The following SGIP1 variants were observed in gnomAD, a reference collection of about 807,000 sequenced individuals.
The protein encoded by SGIP1 is SH3GL interacting endocytic adaptor 1.
In SGIP1, 38 loss-of-function variants were observed where a neutral mutation model predicts 107.5. The ratio of observed to expected loss-of-function variants is 0.35; its 90% CI spans 0.27 to 0.46. The LOEUF (loss-of-function observed/expected upper bound fraction) is 0.46. Ranked by LOEUF, SGIP1 falls within the 20% of genes least tolerant of loss-of-function variation. The pLI, the probability that SGIP1 is intolerant of heterozygous loss-of-function variation, is 1.00. For synonymous variants in SGIP1, 365 were observed against 366.1 expected (o/e 1.00, Z 0.03); for missense variants, 929 against 1,019.5 (o/e 0.91, Z 1.21).
chr1:66,576,698 C>G (rs935229056), intron 1 of SGIP1, among the ~76,000 whole-genome samples: 2 of 152,068 alleles, frequency 1.3e-5, no homozygotes, highest in Non-Finnish European at 2.9e-5. Context: ...TTTTCTTCTC[C>G]TTCTCCTCTT....
At chr1:66,609,829 A>G (rs1354969294) in intron 1 of SGIP1, among the ~76,000 whole-genome samples, 1 of 152,220 alleles carries the variant, frequency 6.6e-6, no homozygotes, top group Non-Finnish European at 1.5e-5. Context: ...AACAAAATAC[A>G]TTTGTGGAGA....
At position 66,611,108 on chromosome 1, in the gene SGIP1, C is replaced by T. The variant is rs147753896; in HGVS notation, c.11-14739C>T. 3.2e-3 allele frequency among the ~76,000 whole-genome samples: 480 copies of T among 152,086 alleles called. 2 individuals are homozygous for T. The highest frequency in any genetic ancestry group is 0.011 in the African/African-American group (455 of 41,466). Reference sequence around the variant, plus strand: ...AAGAATTTATTCATGTAATCAAACACCACCTGTTCCCCAAAAACCTATGGG... The same window carrying T: ...AAGAATTTATTCATGTAATCAAACATCACCTGTTCCCCAAAAACCTATGGG... On this transcript the variant is annotated intron_variant, in intron 1 of 24. Transcript: ENST00000371037.
intron 2 of SGIP1, among the ~76,000 whole-genome samples, chr1:66,630,783 G>C (rs2074100108): frequency 7.6e-6 from 1 of 132,288 alleles, no homozygotes; most frequent in Non-Finnish European, 1.6e-5. Context: ...ACCAGCCTGG[G>C]TGACAAGAGC....
At chr1:66,644,474 C>A (rs763738002) in intron 7 of SGIP1, among the ~76,000 whole-genome samples, 3 of 152,032 alleles carry the variant, frequency 2.0e-5, no homozygotes, top group Admixed American at 6.6e-5. Flanking sequence ...TGATAAATGC[C>A]ACCATTGTTT....
chr1:66,733,637 A>C, intron 20 of SGIP1, 111 bp from the exon 21 acceptor site: 1 of 1,142,032 alleles, frequency 8.8e-7, no homozygotes, highest in East Asian at 2.4e-5. Context: ...ATCTCTACAA[A>C]TTGTCAAAAA....
At chr1:66,551,409 C>T (rs2057385455) in intron 1 of SGIP1, among the ~76,000 whole-genome samples, 1 of 152,088 alleles carries the variant, frequency 6.6e-6, no homozygotes, top group African/African-American at 2.4e-5. Context: ...AATTTTTTAG[C>T]ATTTCAAAGG....
At chr1:66,665,521 G>A (rs2082344428) in intron 8 of SGIP1, among the ~76,000 whole-genome samples, 1 of 152,148 alleles carries the variant, frequency 6.6e-6, no homozygotes, top group Admixed American at 6.5e-5. Context: ...GGTATTTCTA[G>A]TTATAGATCC....
At chr1:66,545,547 A>G (rs1186674458) in intron 1 of SGIP1, among the ~76,000 whole-genome samples, 1 of 152,086 alleles carries the variant, frequency 6.6e-6, no homozygotes, top group Non-Finnish European at 1.5e-5. Context: ...TGGGTAATTT[A>G]AACATGTAAG....
At chr1:66,736,405 ATATGTGAATATAATATATTGCG>A (rs369078613) in intron 21 of SGIP1, among the ~76,000 whole-genome samples, 26,062 of 143,016 alleles carry the variant, frequency 0.18, 12,267 homozygotes, top group Non-Finnish European at 0.21. Context: ...TGAATATATT[ATATGTGAATATAATATATTGCG>A]TATTATATGT....
intron 18 of SGIP1, among the ~76,000 whole-genome samples, chr1:66,715,993 T>C (rs897041916): frequency 6.6e-6 from 1 of 152,162 alleles, no homozygotes; most frequent in Non-Finnish European, 1.5e-5. Flanking sequence ...CGGTGCTAAA[T>C]GCTTTGCCTC....
intron 1 of SGIP1, among the ~76,000 whole-genome samples, chr1:66,582,362 CT>C (rs2061945274): frequency 1.3e-5 from 2 of 152,018 alleles, no homozygotes; most frequent in South Asian, 4.1e-4. Context: ...GTAGAAGAAC[CT>C]TACTGTCAGC....
At chr1:66,723,853 G>A (rs982089448) in intron 19 of SGIP1, among the ~76,000 whole-genome samples, 6 of 152,162 alleles carry the variant, frequency 3.9e-5, no homozygotes, top group Admixed American at 2.6e-4. Flanking sequence ...TAAGATGTGC[G>A]TGAAACTGCA....
chr1:66,625,815 A>G, intron 1 of SGIP1, 32 bp from the exon 2 acceptor site: 1 of 1,595,340 alleles, frequency 6.3e-7, no homozygotes. Context: ...TGTTGCTGAG[A>G]GAGTTTTTGA....
chr1:66,696,595 G>A (rs2090971073), intron 18 of SGIP1, among the ~76,000 whole-genome samples: 1 of 152,168 alleles, frequency 6.6e-6, no homozygotes, highest in South Asian at 2.1e-4. Flanking sequence ...TAGTCATAGA[G>A]ATAGAAGTTC....
intron 18 of SGIP1, among the ~76,000 whole-genome samples, chr1:66,711,046 CA>C (rs1006099837): frequency 1.3e-5 from 2 of 152,090 alleles, no homozygotes; most frequent in African/African-American, 4.8e-5. Flanking sequence ...CCAAAAATAT[CA>C]ACACAAACTA....
rs1572484231 is a variant in SGIP1 at position 66,741,269 on chromosome 1, TAGGGGTGGG to T, written c.2300-2_2306del. The T allele has an allele frequency of 1.3e-6, 2 of 1,569,304 alleles. No individual in the cohort carries two copies. Among genetic ancestry groups the T allele is most frequent in the Admixed American group, 2.0e-5 (1 of 49,902 alleles). ...TACCTTGTAATAATGTGTTTTTTTT[TAGGGGTGGG>T]TTCTTTGTTGGCAAGATTTCAGTTA... On this transcript the variant is annotated splice_acceptor_variant and coding_sequence_variant, in exon 24 of 25. Coordinates refer to ENST00000371037, the MANE Select transcript of SGIP1 (RefSeq NM_032291.4). LOFTEE classifies it high-confidence loss of function.
intron 15 of SGIP1, among the ~76,000 whole-genome samples, chr1:66,687,431 C>A (rs1203270948): frequency 1.3e-5 from 2 of 151,990 alleles, no homozygotes; most frequent in Non-Finnish European, 2.9e-5. Flanking sequence ...TGTAGTGGGG[C>A]CTGTCAAAAC....
chr1:66,702,410 C>A (rs1003846965), intron 18 of SGIP1, among the ~76,000 whole-genome samples: 7 of 152,132 alleles, frequency 4.6e-5, no homozygotes, highest in Non-Finnish European at 1.0e-4. Context: ...GTCTCTGGGT[C>A]TCTGTTCTAT....
intron 7 of SGIP1, among the ~76,000 whole-genome samples, chr1:66,652,563 GA>G (rs949832316): frequency 6.6e-6 from 1 of 152,178 alleles, no homozygotes; most frequent in African/African-American, 2.4e-5. Flanking sequence ...AAAATATGAG[GA>G]GGGGGAAATA....
Sources: gnomAD v4.1 joint callset for allele counts (sites outside exome capture counted in the v4.1 genomes callset) on GRCh38, gnomAD v4.1.1 for gene constraint, MANE v1.5 for transcripts, NCBI Gene and HGNC (gene_info 2026-07-23, HGNC 2026-07-21) for gene names.